The following PIK3R1 variants were observed in gnomAD, a reference collection of about 807,000 sequenced individuals.
The protein encoded by PIK3R1 is phosphatidylinositol 3-kinase regulatory subunit alpha.
In PIK3R1, 29 loss-of-function variants were observed where a neutral mutation model predicts 98.0. That is an observed-to-expected ratio of 0.30 (90% CI 0.22 to 0.40). PIK3R1 has a LOEUF of 0.40. Among genes scored for constraint, PIK3R1 ranks in the 10% least tolerant of loss-of-function variants. The pLI is 1.00. For missense variants in PIK3R1, 596 were observed against 872.7 expected (o/e 0.68, Z 3.99); for synonymous variants, 282 against 311.8 (o/e 0.90, Z 1.01).
intron 2 of PIK3R1, among the ~76,000 whole-genome samples, chr5:68,256,522 A>T (rs938762523): frequency 6.6e-6 from 1 of 152,042 alleles, no homozygotes; most frequent in African/African-American, 2.4e-5. Context: ...GAGCCACCGC[A>T]CCCAGCAACA....
At chr5:68,231,892 G>A (rs986327207) in intron 2 of PIK3R1, among the ~76,000 whole-genome samples, 10 of 152,042 alleles carry the variant, frequency 6.6e-5, no homozygotes, top group African/African-American at 2.2e-4. Flanking sequence ...TGCATCTATC[G>A]ACCACTCTGT....
chr5:68,224,955 C>T (rs991623431), intron 1 of PIK3R1, among the ~76,000 whole-genome samples: 1 of 152,218 alleles, frequency 6.6e-6, no homozygotes, highest in Non-Finnish European at 1.5e-5. Flanking sequence ...CTGTAGCAAC[C>T]ATTGCTACTT....
At chr5:68,288,746 T>G in intron 7 of PIK3R1, 2 of 1,613,748 alleles carry the variant, frequency 1.2e-6, no homozygotes, top group Non-Finnish European at 1.7e-6. Context: ...ATGCATAACC[T>G]GCAAAGTAAG....
intron 7 of PIK3R1, chr5:68,291,993 A>G (rs1449169000): frequency 2.8e-5 from 8 of 289,924 alleles, no homozygotes; most frequent in Non-Finnish European, 5.1e-5. Flanking sequence ...TTTACTTTGA[A>G]ATTTATTCAC....
chr5:68,289,376 T>G (rs575593683), intron 7 of PIK3R1, among the ~76,000 whole-genome samples: 1 of 152,176 alleles, frequency 6.6e-6, no homozygotes, highest in South Asian at 2.1e-4. Context: ...ACGGGGGACG[T>G]CAGAGAACAG....
At chr5:68,220,360 T>C (rs1744051485) in intron 1 of PIK3R1, among the ~76,000 whole-genome samples, 1 of 152,194 alleles carries the variant, frequency 6.6e-6, no homozygotes, top group African/African-American at 2.4e-5. Flanking sequence ...CCTCAGGTCC[T>C]CTTCATTGTG....
At chr5:68,288,674 A>C (rs1580255008) in intron 7 of PIK3R1, 2 of 1,606,526 alleles carry the variant, frequency 1.2e-6, no homozygotes, top group African/African-American at 2.7e-5. Flanking sequence ...GTGGAAGAAC[A>C]GCTTTGGGGA....
At chr5:68,223,042 A>G (rs2111946091) in intron 1 of PIK3R1, among the ~76,000 whole-genome samples, 1 of 151,526 alleles carries the variant, frequency 6.6e-6, no homozygotes, top group East Asian at 1.9e-4. Context: ...ATGACTATAT[A>G]TATATGACTG....
Position 68,246,671 on chromosome 5 carries a change from T to G in PIK3R1, c.334+19662T>G, listed in dbSNP as rs1014735435. Among the ~76,000 whole-genome samples, 6 of 152,188 alleles carry G rather than the reference T, an allele frequency of 3.9e-5. No individual in the cohort carries two copies. In the East Asian group the frequency reaches 9.7e-4, roughly 25 times the overall value. Reference sequence around the variant, plus strand: ...CGGAGTCTCGCTCTGTCGCCCAGGCTGGAGTGCAGTGGTGCGATCTTGGCT... The same window carrying G: ...CGGAGTCTCGCTCTGTCGCCCAGGCGGGAGTGCAGTGGTGCGATCTTGGCT... On this transcript the variant is annotated intron_variant, in intron 2 of 15. Transcript: ENST00000521381.
intron 2 of PIK3R1, among the ~76,000 whole-genome samples, chr5:68,257,405 C>T (rs940046517): frequency 1.3e-5 from 2 of 151,742 alleles, no homozygotes; most frequent in African/African-American, 4.9e-5. Flanking sequence ...AAAGGCAGGC[C>T]CCGGTAATTA....
chr5:68,294,547 GA>G lies in PIK3R1; in HGVS notation c.1441del (p.Arg481GlyfsTer11). The G allele has an allele frequency of 6.2e-7, 1 of 1,602,308 alleles. No individual in the cohort carries two copies. ...YTRTSQEIQMKRTAIEAFNET... is the reference protein window; with the variant it reads ...YTRTSQEIQMXRTAIEAFNET... ...AAATTATGTTGCAGGAAATCCAAAT[GA>G]AAAGGACAGCTATTGAAGCATTTAA... On this transcript the variant is annotated frameshift_variant, in exon 12 of 16. Coordinates refer to ENST00000521381, the MANE Select transcript of PIK3R1 (RefSeq NM_181523.3). LOFTEE classifies it high-confidence loss of function.
At chr5:68,275,845 G>A (rs1160906772) in intron 4 of PIK3R1, among the ~76,000 whole-genome samples, 4 of 152,032 alleles carry the variant, frequency 2.6e-5, no homozygotes, top group African/African-American at 4.8e-5. Context: ...AAAAAATTAT[G>A]GCTTTTAACT....
Position 68,265,374 on chromosome 5 carries a change from T to A in PIK3R1, c.335-8016T>A, listed in dbSNP as rs1349150413. 3.5e-5 allele frequency among the ~76,000 whole-genome samples: 3 copies of A among 86,640 alleles called. No homozygotes were observed. The East Asian group carries it at 9.3e-4, about 27-fold the overall frequency. The allele number at this position is 86,640 out of a possible 152,430, so 56.8% of individuals were successfully genotyped here. A position where few individuals can be genotyped will look rare whatever the true frequency, so the allele number is the denominator to read the frequency against. ...GTGTACTGATGTGTTAGGTCAGGGT[T>A]ACCATAACAAAACACCACAGACTGG... On this transcript the variant is annotated intron_variant, in intron 2 of 15. Transcript: ENST00000521381.
At chr5:68,255,946 G>C (rs1292035127) in intron 2 of PIK3R1, among the ~76,000 whole-genome samples, 3 of 152,232 alleles carry the variant, frequency 2.0e-5, no homozygotes, top group Non-Finnish European at 4.4e-5. Flanking sequence ...GACTGCCTTT[G>C]TGGTGTGGTT....
intron 2 of PIK3R1, among the ~76,000 whole-genome samples, chr5:68,254,905 T>G (rs1047708393): frequency 6.6e-6 from 1 of 152,180 alleles, no homozygotes; most frequent in Non-Finnish European, 1.5e-5. Flanking sequence ...GGTTCCAGAT[T>G]CTTATTCCTA....
rs768946161 is a variant in PIK3R1 at position 68,294,544 on chromosome 5, A to G, written c.1434A>G (p.Gln478=). 5 of 1,600,934 alleles carry G rather than the reference A, an allele frequency of 3.1e-6. No homozygotes were observed. Among genetic ancestry groups the G allele is most frequent in the Non-Finnish European group, 2.6e-6 (3 of 1,175,046 alleles). The change falls in exon 12 of 16, where the codon CAA becomes CAG. Residue 478 remains glutamine, a synonymous_variant. Transcript: ENST00000521381. ...TTAAAATTATGTTGCAGGAAATCCAAATGAAAAGGACAGCTATTGAAGCAT... is the reference window on the plus strand; with the variant it reads ...TTAAAATTATGTTGCAGGAAATCCAGATGAAAAGGACAGCTATTGAAGCAT... ...EEYTRTSQEI[Q]MKRTAIEAFN...
At chr5:68,290,803 C>G in intron 7 of PIK3R1, 2 of 1,612,784 alleles carry the variant, frequency 1.2e-6, no homozygotes, top group Non-Finnish European at 1.7e-6. Flanking sequence ...GTGGCACAGA[C>G]TTGATGTTTT....
chr5:68,267,844 A>T (rs989372327), intron 2 of PIK3R1, among the ~76,000 whole-genome samples: 2 of 152,172 alleles, frequency 1.3e-5, no homozygotes, highest in Non-Finnish European at 2.9e-5. Flanking sequence ...AGTATTGTTT[A>T]TATATACAAA....
At chr5:68,274,144 A>G in intron 4 of PIK3R1, 131 bp downstream of exon 4, 1 of 750,714 alleles carries the variant, frequency 1.3e-6, no homozygotes, top group Non-Finnish European at 2.3e-6. Flanking sequence ...CAAATCATGT[A>G]CAGTTCTCCC....
Sources: allele counts gnomAD v4.1 joint callset (sites outside exome capture counted in the v4.1 genomes callset), GRCh38; gene constraint gnomAD v4.1.1; transcripts MANE v1.5; gene names NCBI Gene and HGNC (gene_info 2026-07-23, HGNC 2026-07-21).